Variants in TSPAN15 observed in about 807,000 individuals in gnomAD.
TSPAN15 encodes the protein tetraspanin 15.
TSPAN15 carries 20 observed loss-of-function variants against 34.5 expected under a neutral mutation model. That is an observed-to-expected ratio of 0.58 (90% CI 0.41 to 0.84). The LOEUF (loss-of-function observed/expected upper bound fraction) is 0.84. Ranked by LOEUF, TSPAN15 falls within the 40% of genes least tolerant of loss-of-function variation. The probability of loss-of-function intolerance (pLI) is 0.00; values close to 1 mark genes in which losing one functional copy is unlikely to be tolerated. For missense variants in TSPAN15, 313 were observed against 386.1 expected, an observed-to-expected ratio of 0.81 and a Z score of 1.59; for synonymous variants, 155 against 153.9, an observed-to-expected ratio of 1.01 and a Z score of -0.05.
At chr10:69,539,552 AGAAGGAGAAGG>A in the TSPAN15 span, among the ~76,000 whole-genome samples, 6,298 of 98,996 alleles carry the variant, frequency 0.064, 842 homozygotes, top group Non-Finnish European at 0.077. Context: ...AAGGAGAAGG[AGAAGGAGAAGG>A]AGAAGAAGAC....
Position 69,485,218 on chromosome 10 carries a change from G to T in TSPAN15, c.357+3G>T, listed in dbSNP as rs938918575. 6.2e-7 allele frequency: 1 copy of T among 1,614,004 alleles called. No individual in the cohort carries two copies. Among genetic ancestry groups the T allele is most frequent in the African/African-American group, 1.3e-5 (1 of 74,908 alleles). ...TGGCCTTGACCTTCCGGAACCAGGT[G>T]GGCCTGTGGATTTGTGTATCGGCCA... On this transcript the variant is annotated splice_donor_region_variant and intron_variant, in intron 3 of 7. Transcript: ENST00000373290.
At chr10:69,510,875 C>T (rs967311514), downstream of TSPAN15, among the ~76,000 whole-genome samples, 2 of 152,102 alleles carry the variant, frequency 1.3e-5, no homozygotes, top group Admixed American at 6.5e-5. Flanking sequence ...TGATGGATTA[C>T]GTTTATTGAT....
Position 69,451,562 on chromosome 10 carries a change from G to C in TSPAN15, c.-33G>C. 2.9e-6 allele frequency: 4 copies of C among 1,392,742 alleles called. No individual in the cohort carries two copies. Among genetic ancestry groups the C allele is most frequent in the Non-Finnish European group, 3.7e-6 (4 of 1,070,060 alleles). The allele number at this position is 1,392,742 out of a possible 1,614,324, so 86.3% of individuals were successfully genotyped here. On this transcript the variant is annotated 5_prime_UTR_variant, in exon 1 of 8. Transcript: ENST00000373290. ...TGAGGGACCGAGCCGGAGAGCCCCG[G>C]AGCCCCCGTAACCCGCGCGGGGAGC...
chr10:69,462,092 C>T (rs938442180), intron 1 of TSPAN15, among the ~76,000 whole-genome samples: 4 of 151,782 alleles, frequency 2.6e-5, no homozygotes, highest in South Asian at 2.1e-4. Flanking sequence ...GTGATCCTCC[C>T]ACCTCAGCCT....
chr10:69,532,469 C>A, the TSPAN15 span, among the ~76,000 whole-genome samples: 15,582 of 152,244 alleles, frequency 0.1, 1,227 homozygotes, highest in East Asian at 0.43. Flanking sequence ...GGATAATTGG[C>A]AAGCCGCATG....
intron 1 of TSPAN15, 86 bp downstream of exon 1, chr10:69,451,776 T>C (rs1165934740): frequency 4.4e-6 from 5 of 1,126,718 alleles, no homozygotes; most frequent in African/African-American, 3.3e-5. Context: ...GGGTCCACAC[T>C]TAGCCGCTCC....
the TSPAN15 span, among the ~76,000 whole-genome samples, chr10:69,515,738 TCCTA>T: frequency 6.6e-6 from 1 of 152,122 alleles, no homozygotes; most frequent in Non-Finnish European, 1.5e-5. Flanking sequence ...TGATTTGCAG[TCCTA>T]AAGCCCAGGC....
the TSPAN15 span, among the ~76,000 whole-genome samples, chr10:69,539,921 C>T: frequency 6.6e-6 from 1 of 151,758 alleles, no homozygotes; most frequent in Non-Finnish European, 1.5e-5. Flanking sequence ...GCTTAGCCCT[C>T]AGCCACACTT....
intron 1 of TSPAN15, among the ~76,000 whole-genome samples, chr10:69,468,968 C>T (rs1052959506): frequency 2.7e-5 from 4 of 149,982 alleles, no homozygotes; most frequent in Non-Finnish European, 4.4e-5. Flanking sequence ...CCTGAGTTTA[C>T]GCTGATGCGA....
the TSPAN15 span, among the ~76,000 whole-genome samples, chr10:69,545,816 C>T: frequency 3.3e-5 from 5 of 151,938 alleles, no homozygotes; most frequent in Non-Finnish European, 7.4e-5. Context: ...ATTAGCTGGG[C>T]GTAGTGGTGG....
intron 1 of TSPAN15, among the ~76,000 whole-genome samples, chr10:69,459,164 T>C (rs996119987): frequency 6.7e-6 from 1 of 149,254 alleles, no homozygotes; most frequent in Non-Finnish European, 1.5e-5. Context: ...AACTTTTAGA[T>C]GTGAATGGGT....
chr10:69,471,580 T>A (rs1316547231), intron 1 of TSPAN15, among the ~76,000 whole-genome samples: 1 of 148,684 alleles, frequency 6.7e-6, no homozygotes, highest in East Asian at 2.0e-4. Context: ...TCTCCCCACC[T>A]TCTCTCCCTC....
In TSPAN15 at chr10:69,507,246, TGGGCTACG is replaced by T; in HGVS notation, c.*272_*279del. 7.3e-7 allele frequency: 1 copy of T among 1,374,242 alleles called. No homozygotes were observed. The highest frequency in any genetic ancestry group is 9.4e-7 in the Non-Finnish European group (1 of 1,065,870). The allele number at this position is 1,374,242 out of a possible 1,614,324, so 85.1% of individuals were successfully genotyped here. A position where few individuals can be genotyped will look rare whatever the true frequency, so the allele number is the denominator to read the frequency against. On this transcript the variant is annotated 3_prime_UTR_variant, in exon 8 of 8. Transcript: ENST00000373290. ...AACAAGGCCCTCCTTTCTCCAGGCC[TGGGCTACG>T]GGGGAGGGAGAGCCTGAGGCTCTGC... is the stretch of plus-strand genomic sequence containing the variant.
chr10:69,478,949 C>G (rs1372396371), intron 1 of TSPAN15, among the ~76,000 whole-genome samples: 1 of 152,182 alleles, frequency 6.6e-6, no homozygotes, highest in East Asian at 1.9e-4. Flanking sequence ...CAGTTTGTTG[C>G]CCACATCCCA....
chr10:69,491,337 A>C (rs984641558), intron 3 of TSPAN15, among the ~76,000 whole-genome samples: 2 of 152,210 alleles, frequency 1.3e-5, no homozygotes, highest in Admixed American at 6.5e-5. Context: ...ATGAAGGAGG[A>C]AAATCCTGGG....
intron 1 of TSPAN15, among the ~76,000 whole-genome samples, chr10:69,478,392 G>A (rs536709821): frequency 1.8e-4 from 28 of 152,214 alleles, no homozygotes; most frequent in African/African-American, 6.3e-4. Context: ...GCTTTGTTTT[G>A]GTCCAACACG....
the TSPAN15 span, among the ~76,000 whole-genome samples, chr10:69,549,222 T>A: frequency 2.0e-5 from 3 of 152,356 alleles, no homozygotes; most frequent in Non-Finnish European, 4.4e-5. Flanking sequence ...ATTAACCCTG[T>A]TCTGGGAAGG....
downstream of TSPAN15, chr10:69,507,758 A>G: frequency 1.2e-6 from 1 of 866,446 alleles, no homozygotes; most frequent in Non-Finnish European, 1.5e-6. Context: ...TGCGAGGATG[A>G]AGGGGGTGCA....
chr10:69,545,084 C>T, the TSPAN15 span, among the ~76,000 whole-genome samples: 6 of 152,176 alleles, frequency 3.9e-5, no homozygotes, highest in African/African-American at 1.4e-4. Flanking sequence ...ACTGGGGGTC[C>T]CGCCTGCTTC....
Sources: allele counts gnomAD v4.1 joint callset (sites outside exome capture counted in the v4.1 genomes callset), GRCh38; gene constraint gnomAD v4.1.1; transcripts MANE v1.5; gene names NCBI Gene and HGNC (gene_info 2026-07-23, HGNC 2026-07-21).